The following C13orf42 variants were observed in gnomAD, a reference collection of about 807,000 sequenced individuals.
The protein encoded by C13orf42 is chromosome 13 open reading frame 42, also known as uncharacterized protein C13orf42.
At chr13:51,098,136 T>A (rs1158144463) in intron 1 of C13orf42, among the ~76,000 whole-genome samples, 1 of 152,142 alleles carries the variant, frequency 6.6e-6, no homozygotes, top group Non-Finnish European at 1.5e-5. Flanking sequence ...TTTTATATTA[T>A]TTATCTTTTT....
At chr13:51,113,467 G>C (rs1045039784), upstream of C13orf42, among the ~76,000 whole-genome samples, 2 of 152,198 alleles carry the variant, frequency 1.3e-5, no homozygotes, top group Non-Finnish European at 2.9e-5. Flanking sequence ...AATTCATCCA[G>C]AATAGTGACT....
Position 51,084,035 on chromosome 13 carries a change from T to C in C13orf42, c.*116A>G, listed in dbSNP as rs1887706. On this transcript the variant is annotated 3_prime_UTR_variant, in exon 4 of 4. Transcript: ENST00000563710. Reference sequence around the variant, plus strand: ...CGGCACCAGCAGGCAGTGTGCTGAGTGGGTTGACTGTGTTACAATTGGCAT... The same window carrying C: ...CGGCACCAGCAGGCAGTGTGCTGAGCGGGTTGACTGTGTTACAATTGGCAT... The C allele has an allele frequency of 0.43, 168,932 of 395,870 alleles. 36,372 individuals are homozygous for C. Among genetic ancestry groups the C allele is most frequent in the Admixed American group, 0.46 (10,430 of 22,644 alleles). The allele number at this position is 395,870 out of a possible 1,614,324, so 24.5% of individuals were successfully genotyped here.
chr13:51,171,700 A>T (rs985552542), intron 1 of C13orf42, among the ~76,000 whole-genome samples: 4 of 152,200 alleles, frequency 2.6e-5, no homozygotes, highest in African/African-American at 9.6e-5. Context: ...ATTTACTCTT[A>T]AAAAGGTGGC....
chr13:51,138,578 A>C (rs1317511205), intron 1 of C13orf42, among the ~76,000 whole-genome samples: 1 of 152,186 alleles, frequency 6.6e-6, no homozygotes, highest in Non-Finnish European at 1.5e-5. Context: ...AAAAGAAAAA[A>C]CAAAGACGAT....
chr13:51,116,474 C>T (rs1056017220), intron 1 of C13orf42, among the ~76,000 whole-genome samples: 3 of 152,224 alleles, frequency 2.0e-5, no homozygotes, highest in African/African-American at 7.2e-5. Context: ...AAAGTGCTCT[C>T]TCCAGGTGAA....
chr13:51,096,192 T>C (rs927669941), intron 1 of C13orf42, among the ~76,000 whole-genome samples: 2 of 152,240 alleles, frequency 1.3e-5, no homozygotes, highest in Non-Finnish European at 2.9e-5. Flanking sequence ...GCTTTAGGTC[T>C]TTCCTTTCTG....
At chr13:51,087,881 C>G in intron 2 of C13orf42, 47 bp downstream of exon 2, 1 of 398,786 alleles carries the variant, frequency 2.5e-6, no homozygotes, top group Non-Finnish European at 4.4e-6. Context: ...CATCACAGCC[C>G]CACCCGCCTT....
intron 1 of C13orf42, among the ~76,000 whole-genome samples, chr13:51,108,501 C>A (rs1157331390): frequency 6.6e-6 from 1 of 152,222 alleles, no homozygotes; most frequent in Non-Finnish European, 1.5e-5. Context: ...CATCATTTCA[C>A]AGGCAGGCCC....
At chr13:51,166,555 G>A (rs2138053244) in intron 1 of C13orf42, among the ~76,000 whole-genome samples, 2 of 146,286 alleles carry the variant, frequency 1.4e-5, no homozygotes, top group East Asian at 4.0e-4. Context: ...TAACTAACCT[G>A]CACAATGTGC....
upstream of C13orf42, among the ~76,000 whole-genome samples, chr13:51,115,467 G>A (rs1420593831): frequency 2.6e-5 from 4 of 152,158 alleles, no homozygotes; most frequent in Admixed American, 6.5e-5. Flanking sequence ...TGGTGTAACC[G>A]GGGATAGTCT....
chr13:51,152,729 C>T (rs1003944739), intron 1 of C13orf42, among the ~76,000 whole-genome samples: 3 of 152,196 alleles, frequency 2.0e-5, no homozygotes, highest in Non-Finnish European at 4.4e-5. Flanking sequence ...CTTCAAATCA[C>T]TGAGCCTCAA....
intron 1 of C13orf42, among the ~76,000 whole-genome samples, chr13:51,162,849 C>T (rs974238295): frequency 3.3e-5 from 5 of 152,176 alleles, no homozygotes; most frequent in Admixed American, 3.3e-4. Flanking sequence ...CAGGGCCTCT[C>T]CTCTTGGGTA....
At chr13:51,091,268 A>T (rs1953177422) in intron 1 of C13orf42, among the ~76,000 whole-genome samples, 1 of 152,164 alleles carries the variant, frequency 6.6e-6, no homozygotes, top group Non-Finnish European at 1.5e-5. Flanking sequence ...CTGGGGAGTG[A>T]GTCAGTGGCG....
chr13:51,116,726 A>C (rs180796689), intron 1 of C13orf42, among the ~76,000 whole-genome samples: 57 of 152,396 alleles, frequency 3.7e-4, no homozygotes, highest in African/African-American at 1.1e-3. Flanking sequence ...TCCCTGGCTT[A>C]AAATAATGAT....
chr13:51,102,743 C>T (rs1953307186), intron 1 of C13orf42, among the ~76,000 whole-genome samples: 1 of 152,160 alleles, frequency 6.6e-6, no homozygotes, highest in Admixed American at 6.5e-5. Flanking sequence ...TAAAGAAATA[C>T]CTGAGACTGG....
chr13:51,136,218 T>C (rs1953656702), intron 1 of C13orf42, among the ~76,000 whole-genome samples: 1 of 152,082 alleles, frequency 6.6e-6, no homozygotes, highest in Non-Finnish European at 1.5e-5. Flanking sequence ...TTCACTTAGA[T>C]TATCTCTGTA....
chr13:51,106,390 CAT>C (rs1860829796), intron 1 of C13orf42, among the ~76,000 whole-genome samples: 1 of 150,690 alleles, frequency 6.6e-6, no homozygotes, highest in African/African-American at 2.5e-5. Context: ...TTGCAGTACA[CAT>C]CCTAAGGTGC....
intron 1 of C13orf42, among the ~76,000 whole-genome samples, chr13:51,164,652 C>G (rs532483953): frequency 6.6e-6 from 1 of 152,104 alleles, no homozygotes; most frequent in African/African-American, 2.4e-5. Flanking sequence ...AATGCAAGAC[C>G]CTGTCTCTAA....
chr13:51,126,421 T>A lies in C13orf42; in HGVS notation n.137-13199A>T, dbSNP rs77735630. ...CATTCAGGCAAAACTCTATCTTTAA[T>A]GAGCTGGGGATGAGACAGAGACGCA... On this transcript the variant is annotated intron_variant and non_coding_transcript_variant, in intron 1 of 4. Transcript: ENST00000433280. Among the ~76,000 whole-genome samples, 51 of 152,318 alleles carry A rather than the reference T, an allele frequency of 3.3e-4. No homozygotes were observed. The East Asian group carries it at 5.4e-3, about 16-fold the overall frequency.
Sources: gnomAD v4.1 joint callset for allele counts (sites outside exome capture counted in the v4.1 genomes callset) on GRCh38, gnomAD v4.1.1 for gene constraint, MANE v1.5 for transcripts, NCBI Gene and HGNC (gene_info 2026-07-23, HGNC 2026-07-21) for gene names.